Variants in CCDC12 observed in about 807,000 individuals in gnomAD.
CCDC12 encodes coiled-coil domain-containing protein 12.
Under a neutral mutation model 25.7 loss-of-function variants are expected in CCDC12, and 28 were observed. The ratio of observed to expected loss-of-function variants is 1.09; its 90% CI spans 0.81 to 1.50. The LOEUF (loss-of-function observed/expected upper bound fraction) is 1.50, where lower values mean the gene tolerates loss of function less well. CCDC12 is among the 40% of genes most tolerant of loss of function. The probability of loss-of-function intolerance (pLI) is 0.00; values close to 1 mark genes in which losing one functional copy is unlikely to be tolerated. For synonymous variants in CCDC12, 75 were observed against 87.7 expected, an observed-to-expected ratio of 0.86 and a Z score of 0.81; for missense variants, 198 against 210.0, an observed-to-expected ratio of 0.94 and a Z score of 0.35.
At chr3:46,940,254 G>A (rs953544812) in intron 2 of CCDC12, among the ~76,000 whole-genome samples, 3 of 152,246 alleles carry the variant, frequency 2.0e-5, no homozygotes, top group Non-Finnish European at 4.4e-5. Flanking sequence ...AGCAGCATCT[G>A]AGGCTCTGTG....
intron 3 of CCDC12, chr3:46,923,959 A>T (rs2032823847): frequency 3.0e-6 from 1 of 334,902 alleles, no homozygotes; most frequent in Non-Finnish European, 5.4e-6. Context: ...AAGACCAGAG[A>T]GCTGCCTGGA....
chr3:46,932,255 A>C (rs964167434), intron 2 of CCDC12, among the ~76,000 whole-genome samples: 1 of 152,242 alleles, frequency 6.6e-6, no homozygotes, highest in Non-Finnish European at 1.5e-5. Context: ...AGCATAATTC[A>C]TAATAGCTAC....
chr3:46,954,206 T>C (rs956620213), intron 1 of CCDC12, among the ~76,000 whole-genome samples: 1 of 152,166 alleles, frequency 6.6e-6, no homozygotes, highest in Non-Finnish European at 1.5e-5. Flanking sequence ...ATGTGGCTGC[T>C]ACCTGACCAT....
At chr3:46,923,689 G>C (rs1158656010) in intron 3 of CCDC12, 21 bp from the exon 4 acceptor site, 5 of 1,500,746 alleles carry the variant, frequency 3.3e-6, no homozygotes, top group Non-Finnish European at 4.4e-6. Context: ...CAATTAAACA[G>C]AGAAGGCCTG....
intron 1 of CCDC12, among the ~76,000 whole-genome samples, chr3:46,947,632 C>A (rs150900941): frequency 4.5e-4 from 69 of 152,268 alleles, no homozygotes; most frequent in African/African-American, 1.6e-3. Flanking sequence ...CACTCTGGGT[C>A]CCCTGCACTC....
intron 1 of CCDC12, among the ~76,000 whole-genome samples, chr3:46,975,526 C>CTTTTT (rs3028814): frequency 6.2e-4 from 51 of 82,546 alleles, no homozygotes; most frequent in African/African-American, 1.7e-3. Flanking sequence ...TAAATCTTTT[C>CTTTTT]TTTTTTTTTT....
At chr3:46,930,690 G>C (rs1490800470) in intron 2 of CCDC12, among the ~76,000 whole-genome samples, 1 of 152,112 alleles carries the variant, frequency 6.6e-6, no homozygotes, top group Non-Finnish European at 1.5e-5. Context: ...TCTTCACGTG[G>C]TCCTGGCCCC....
intron 5 of CCDC12, 76 bp from the exon 6 acceptor site, chr3:46,922,388 A>T: frequency 6.6e-7 from 1 of 1,518,914 alleles, no homozygotes; most frequent in Non-Finnish European, 9.1e-7. Flanking sequence ...CCCCTCTTGC[A>T]GCCCTCTGGC....
chr3:46,925,601 A>T (rs2032919556), intron 2 of CCDC12, 66 bp from the exon 3 acceptor site: 1 of 1,307,258 alleles, frequency 7.6e-7, no homozygotes, highest in South Asian at 1.5e-5. Context: ...TCATTCATTC[A>T]TACAATTTGC....
intron 1 of CCDC12, chr3:46,965,887 G>C (rs1303498185): frequency 6.6e-6 from 1 of 152,414 alleles, no homozygotes. Context: ...CCACCTCTCA[G>C]CTCCCTTCTG....
chr3:46,957,181 T>C (rs951691596), intron 1 of CCDC12, among the ~76,000 whole-genome samples: 1 of 152,048 alleles, frequency 6.6e-6, no homozygotes, highest in Admixed American at 6.6e-5. Context: ...AAATGGTGAG[T>C]TGTGACCTGC....
intron 2 of CCDC12, among the ~76,000 whole-genome samples, chr3:46,932,983 G>A (rs897097096): frequency 6.6e-6 from 1 of 152,246 alleles, no homozygotes; most frequent in South Asian, 2.1e-4. Context: ...CTCTGGCCTA[G>A]GGGTGGACCC....
At chr3:46,941,899 G>A (rs959603449) in intron 1 of CCDC12, among the ~76,000 whole-genome samples, 3 of 152,216 alleles carry the variant, frequency 2.0e-5, no homozygotes, top group Admixed American at 6.5e-5. Context: ...CTAGGACCAG[G>A]CTTGCAACAA....
At position 46,922,997 on chromosome 3, in the gene CCDC12, G is replaced by A. The variant is rs1357445656; in HGVS notation, c.341+332C>T. 30 of 253,376 alleles carry A rather than the reference G, an allele frequency of 1.2e-4. No individual in the cohort carries two copies. The Admixed American group carries it at 1.5e-3, about 12-fold the overall frequency. 15.7% of individuals were successfully genotyped at this position (253,376 alleles called of 1,614,324 possible). ...TGGTAGAACAGGAACAGAAAACTGT[G>A]TCTGCCCTTCCCTCCACTCCTGGCC... On this transcript the variant is annotated intron_variant, in intron 5 of 6. Coordinates refer to ENST00000683445, the MANE Select transcript of CCDC12 (RefSeq NM_001277074.2).
intron 1 of CCDC12, among the ~76,000 whole-genome samples, chr3:46,945,179 C>T (rs767862508): frequency 4.6e-5 from 7 of 152,206 alleles, no homozygotes; most frequent in African/African-American, 9.7e-5. Flanking sequence ...CCTCTCAGCA[C>T]GGGGCATCTC....
intron 1 of CCDC12, among the ~76,000 whole-genome samples, chr3:46,947,193 A>G (rs1280607829): frequency 6.6e-6 from 1 of 152,240 alleles, no homozygotes; most frequent in Non-Finnish European, 1.5e-5. Context: ...GAAGAGGCCA[A>G]ACTGGCCCCA....
rs769631092 is a variant in CCDC12, at chr3:46,968,466, C to A, written c.96+8171G>T. ...GACAGGCATCCACGTTTATAAAAGG[C>A]CTGTGTGCAAGATCTCGAGCTAGAC... On this transcript the variant is annotated intron_variant, in intron 1 of 6. Coordinates refer to ENST00000683445, the MANE Select transcript of CCDC12 (RefSeq NM_001277074.2). Among the ~76,000 whole-genome samples, 4 of 152,296 alleles carry A rather than the reference C, an allele frequency of 2.6e-5. No homozygotes were observed. In the East Asian group the frequency reaches 7.7e-4, roughly 29 times the overall value.
intron 1 of CCDC12, 182 bp downstream of exon 1, chr3:46,976,455 G>A (rs2034994747): frequency 1.4e-6 from 2 of 1,426,568 alleles, no homozygotes; most frequent in Non-Finnish European, 1.8e-6. Flanking sequence ...CGCCAGAGGA[G>A]TCCCACGCCA....
At position 46,922,157 on chromosome 3, in the gene CCDC12, C is replaced by A. The variant is rs572899910; in HGVS notation, c.419-18G>T. The A allele has an allele frequency of 6.2e-7, 1 of 1,614,258 alleles. No individual in the cohort carries two copies. Among genetic ancestry groups the A allele is most frequent in the African/African-American group, 1.3e-5 (1 of 75,084 alleles). ...CCTTTCACCTGGGATGGATGGCAGA[C>A]AGAAGGGGTGGGGAGGGGCCCGGTG... is the stretch of plus-strand genomic sequence containing the variant. On this transcript the variant is annotated intron_variant, in intron 6 of 6. Coordinates refer to ENST00000683445, the MANE Select transcript of CCDC12 (RefSeq NM_001277074.2).
Sources: allele counts gnomAD v4.1 joint callset (sites outside exome capture counted in the v4.1 genomes callset), GRCh38; gene constraint gnomAD v4.1.1; transcripts MANE v1.5; gene names NCBI Gene and HGNC (gene_info 2026-07-23, HGNC 2026-07-21).